The following SLC25A21 variants were observed in gnomAD, a reference collection of about 807,000 sequenced individuals.
The protein encoded by SLC25A21 is mitochondrial 2-oxodicarboxylate carrier.
In SLC25A21, 47 loss-of-function variants were observed where a neutral mutation model predicts 43.8. The ratio of observed to expected loss-of-function variants is 1.07; its 90% confidence interval spans 0.85 to 1.37. The LOEUF is 1.37. Ranked by LOEUF, SLC25A21 falls within the 40% of genes most tolerant of loss-of-function variation. SLC25A21 has a pLI of 0.00. For synonymous variants in SLC25A21, 131 were observed against 121.3 expected (o/e 1.08, Z -0.52); for missense variants, 352 against 350.2 (o/e 1.00, Z -0.04).
intron 1 of SLC25A21, among the ~76,000 whole-genome samples, chr14:36,984,425 A>G (rs1960100186): frequency 6.6e-6 from 1 of 152,194 alleles, no homozygotes; most frequent in Admixed American, 6.6e-5. Flanking sequence ...TGTAAACTCA[A>G]TGTGTACACA....
At chr14:36,855,131 C>G (rs1216740763) in intron 2 of SLC25A21, among the ~76,000 whole-genome samples, 1 of 152,038 alleles carries the variant, frequency 6.6e-6, no homozygotes, top group Non-Finnish European at 1.5e-5. Flanking sequence ...GGACAAGCCA[C>G]CCCTTGGCAT....
intron 1 of SLC25A21, among the ~76,000 whole-genome samples, chr14:36,956,586 CAA>C: frequency 6.6e-6 from 1 of 152,164 alleles, no homozygotes; most frequent in Non-Finnish European, 1.5e-5. Context: ...TTTTTTTTGA[CAA>C]AGAGAGTATT....
chr14:36,859,037 A>C (rs1269175788), intron 2 of SLC25A21, among the ~76,000 whole-genome samples: 1 of 152,230 alleles, frequency 6.6e-6, no homozygotes, highest in Non-Finnish European at 1.5e-5. Context: ...TTTCCTAAAA[A>C]ATCTCTCCCT....
At chr14:36,885,383 A>C (rs1890884672) in intron 1 of SLC25A21, among the ~76,000 whole-genome samples, 1 of 152,122 alleles carries the variant, frequency 6.6e-6, no homozygotes, top group African/African-American at 2.4e-5. Flanking sequence ...ATAGGTTTGG[A>C]AGTCAGGTAG....
intron 1 of SLC25A21, among the ~76,000 whole-genome samples, chr14:36,965,414 T>G (rs1959590900): frequency 6.6e-6 from 1 of 152,114 alleles, no homozygotes; most frequent in South Asian, 2.1e-4. Context: ...TGATTCAGAT[T>G]TTTATTACTT....
chr14:36,928,679 T>C (rs751213242), intron 1 of SLC25A21, among the ~76,000 whole-genome samples: 8 of 152,204 alleles, frequency 5.3e-5, no homozygotes, highest in African/African-American at 1.4e-4. Context: ...CCAGTAGAGA[T>C]TGCCGAATTG....
chr14:37,021,993 C>T (rs1300414878), intron 1 of SLC25A21, among the ~76,000 whole-genome samples: 1 of 151,520 alleles, frequency 6.6e-6, no homozygotes, highest in Non-Finnish European at 1.5e-5. Flanking sequence ...AGTTGTATAA[C>T]AAAGGTGTGC....
At chr14:37,084,014 T>C (rs1361120396) in intron 1 of SLC25A21, among the ~76,000 whole-genome samples, 1 of 152,198 alleles carries the variant, frequency 6.6e-6, no homozygotes, top group Non-Finnish European at 1.5e-5. Flanking sequence ...ATGGTGACTA[T>C]TCATCCTAAT....
intron 2 of SLC25A21, among the ~76,000 whole-genome samples, chr14:36,871,675 G>T (rs1890377728): frequency 6.6e-6 from 1 of 152,080 alleles, no homozygotes; most frequent in Non-Finnish European, 1.5e-5. Context: ...ACTTAGCATT[G>T]GTGATTTTAG....
At chr14:37,035,975 C>T (rs1261387137) in intron 1 of SLC25A21, among the ~76,000 whole-genome samples, 2 of 152,150 alleles carry the variant, frequency 1.3e-5, no homozygotes, top group East Asian at 1.9e-4. Flanking sequence ...CCCAGATGTA[C>T]GGGAAGTTTA....
chr14:37,031,172 A>G (rs1261156382), intron 1 of SLC25A21, among the ~76,000 whole-genome samples: 1 of 152,192 alleles, frequency 6.6e-6, no homozygotes, highest in Non-Finnish European at 1.5e-5. Context: ...TAGAGACAAG[A>G]TGAGATAACA....
intron 1 of SLC25A21, among the ~76,000 whole-genome samples, chr14:36,891,503 A>C (rs774965953): frequency 3.3e-5 from 5 of 152,180 alleles, no homozygotes; most frequent in Admixed American, 1.3e-4. Context: ...CTTTGATGCT[A>C]CAAGGATCAA....
chr14:36,711,433 C>A lies in SLC25A21; in HGVS notation c.488G>T (p.Trp163Leu). 6.2e-7 allele frequency: 1 copy of A among 1,614,082 alleles called. No homozygotes were observed. The change falls in exon 7 of 10, where the codon TGG (tryptophan) becomes TTG (leucine). Residue 163 changes from tryptophan (W) to leucine (L), a missense_variant. Coordinates refer to ENST00000331299, the MANE Select transcript of SLC25A21 (RefSeq NM_030631.4). The stretch of plus-strand genomic sequence containing the variant: ...TCCTTTGTTGAGGCCCTGGAGTCCC[C>A]AGCCTTCCTTCTTAATGATTTGTCT... Reference protein sequence around the residue: ...YARQIIKKEGWGLQGLNKGLT... With the variant: ...YARQIIKKEGLGLQGLNKGLT...
chr14:37,119,309 G>A lies in SLC25A21; in HGVS notation c.70+52972C>T, dbSNP rs553898172. Among the ~76,000 whole-genome samples the A allele has an allele frequency of 7.9e-5, 12 of 152,276 alleles. No individual in the cohort carries two copies. The East Asian group carries it at 2.3e-3, about 30-fold the overall frequency. The stretch of plus-strand genomic sequence containing the variant: ...CATGCCTGTAATCCCAGCACTTTGG[G>A]AAGCTGAGGCAGGTGGATCACTTGA... On this transcript the variant is annotated intron_variant, in intron 1 of 9. Coordinates refer to ENST00000331299, the MANE Select transcript of SLC25A21 (RefSeq NM_030631.4).
chr14:37,161,834 G>A (rs1478477712), intron 1 of SLC25A21, among the ~76,000 whole-genome samples: 3 of 151,872 alleles, frequency 2.0e-5, no homozygotes, highest in Non-Finnish European at 4.4e-5. Flanking sequence ...ATGGTGGTGG[G>A]CACCTGTAGT....
intron 1 of SLC25A21, among the ~76,000 whole-genome samples, chr14:37,059,404 G>A (rs1961897021): frequency 6.6e-6 from 1 of 152,116 alleles, no homozygotes; most frequent in Non-Finnish European, 1.5e-5. Flanking sequence ...CTATTACATG[G>A]TAGTTAATTA....
At chr14:36,680,814 T>C in intron 9 of SLC25A21, 95 bp from the exon 10 acceptor site, 1 of 1,112,976 alleles carries the variant, frequency 9.0e-7, no homozygotes, top group Admixed American at 2.0e-5. Flanking sequence ...TCGCACAGCC[T>C]GTCAGGCAGA....
At chr14:36,779,191 A>C (rs2138373843) in intron 3 of SLC25A21, among the ~76,000 whole-genome samples, 1 of 146,870 alleles carries the variant, frequency 6.8e-6, no homozygotes, top group East Asian at 2.0e-4. Flanking sequence ...CTTTATATAT[A>C]ATATATATAT....
chr14:36,980,884 A>G (rs905069314), intron 1 of SLC25A21, among the ~76,000 whole-genome samples: 1 of 152,230 alleles, frequency 6.6e-6, no homozygotes, highest in African/African-American at 2.4e-5. Context: ...AAAAGAAACT[A>G]CCATCAGAGT....
Sources: allele counts gnomAD v4.1 joint callset (sites outside exome capture counted in the v4.1 genomes callset), GRCh38; gene constraint gnomAD v4.1.1; transcripts MANE v1.5; gene names NCBI Gene and HGNC (gene_info 2026-07-23, HGNC 2026-07-21).